The following POLDIP3 variants were observed in gnomAD, a reference collection of about 807,000 sequenced individuals.
The protein encoded by POLDIP3 is polymerase delta-interacting protein 3.
In POLDIP3, 14 loss-of-function variants were observed where a neutral mutation model predicts 45.1. That is an observed-to-expected ratio of 0.31 (90% CI 0.20 to 0.49). The LOEUF (loss-of-function observed/expected upper bound fraction) is 0.49. POLDIP3 is among the 20% of genes least tolerant of loss of function. The probability of loss-of-function intolerance (pLI) is 0.99; values close to 1 mark genes in which losing one functional copy is unlikely to be tolerated. For missense variants in POLDIP3, 511 were observed against 538.8 expected (o/e 0.95, Z 0.51); for synonymous variants, 223 against 205.2 (o/e 1.09, Z -0.74).
chr22:42,586,754 C>T (rs1320228716), intron 8 of POLDIP3, among the ~76,000 whole-genome samples: 4 of 152,184 alleles, frequency 2.6e-5, no homozygotes, highest in Non-Finnish European at 1.5e-5. Flanking sequence ...TATTTCAGCC[C>T]TGCCCCACAC....
rs547763693 is a variant in POLDIP3, at chr22:42,588,484, A to G, written c.1022-912T>C. Reference sequence around the variant, plus strand: ...AAAAAAAAAAAAAAAAGTAAAATGGAAGAAATAAACCTAATTATCAATATT... The same window carrying G: ...AAAAAAAAAAAAAAAAGTAAAATGGGAGAAATAAACCTAATTATCAATATT... On this transcript the variant is annotated intron_variant, in intron 7 of 8. Transcript: ENST00000252115. Among the ~76,000 whole-genome samples the G allele has an allele frequency of 4.6e-5, 7 of 151,566 alleles. No individual in the cohort carries two copies. The South Asian group carries it at 1.5e-3, about 32-fold the overall frequency.
intron 7 of POLDIP3, 86 bp downstream of exon 7, chr22:42,591,867 TCA>T (rs1925685900): frequency 2.6e-6 from 4 of 1,560,538 alleles, no homozygotes; most frequent in Non-Finnish European, 1.8e-6. Flanking sequence ...TCCACCCATC[TCA>T]CAGAGACTTC....
chr22:42,602,295 G>A (rs180779642), intron 2 of POLDIP3, among the ~76,000 whole-genome samples: 6 of 152,198 alleles, frequency 3.9e-5, no homozygotes, highest in African/African-American at 1.2e-4. Flanking sequence ...TGCTGTGGCC[G>A]CTGCTGTTCC....
chr22:42,587,669 C>A (rs113181776), intron 7 of POLDIP3, 97 bp from the exon 8 acceptor site: 30,495 of 1,169,088 alleles, frequency 0.026, 554 homozygotes, highest in Middle Eastern at 0.044. Context: ...GGTCAAAGCA[C>A]CCACCACTGG....
At chr22:42,612,073 A>T (rs1186026337) in intron 1 of POLDIP3, among the ~76,000 whole-genome samples, 1 of 152,160 alleles carries the variant, frequency 6.6e-6, no homozygotes, top group Non-Finnish European at 1.5e-5. Flanking sequence ...AGGTTCTTCC[A>T]TGCTAGTCTC....
At chr22:42,596,617 G>A (rs1264057666) in intron 4 of POLDIP3, among the ~76,000 whole-genome samples, 1 of 152,266 alleles carries the variant, frequency 6.6e-6, no homozygotes, top group Non-Finnish European at 1.5e-5. Context: ...AGAAGCTCTT[G>A]GCAGGAAGCT....
chr22:42,590,167 G>A (rs1160866835), intron 7 of POLDIP3, among the ~76,000 whole-genome samples: 1 of 152,302 alleles, frequency 6.6e-6, no homozygotes, highest in East Asian at 1.9e-4. Flanking sequence ...TGCAGTTACA[G>A]CCATGCTTAG....
At chr22:42,610,774 C>T (rs1165192242) in intron 1 of POLDIP3, among the ~76,000 whole-genome samples, 2 of 152,160 alleles carry the variant, frequency 1.3e-5, no homozygotes, top group African/African-American at 4.8e-5. Context: ...GGCATGATGG[C>T]ATATGCCTGT....
chr22:42,611,298 G>A (rs904885799), intron 1 of POLDIP3, among the ~76,000 whole-genome samples: 2 of 152,198 alleles, frequency 1.3e-5, no homozygotes, highest in African/African-American at 2.4e-5. Flanking sequence ...GCAGTTACAG[G>A]CATGAGCAAC....
At chr22:42,613,246 G>A (rs1927237630) in intron 1 of POLDIP3, among the ~76,000 whole-genome samples, 1 of 152,234 alleles carries the variant, frequency 6.6e-6, no homozygotes, top group African/African-American at 2.4e-5. Context: ...TCAGTCACTA[G>A]ATGGAGATCT....
intron 1 of POLDIP3, among the ~76,000 whole-genome samples, chr22:42,611,972 G>A (rs536866081): frequency 6.6e-6 from 1 of 152,318 alleles, no homozygotes; most frequent in Non-Finnish European, 1.5e-5. Context: ...TCTTAACAGG[G>A]ACCACTGGAT....
At chr22:42,591,901 A>G in intron 7 of POLDIP3, 54 bp downstream of exon 7, 1 of 1,609,220 alleles carries the variant, frequency 6.2e-7, no homozygotes, top group East Asian at 2.2e-5. Flanking sequence ...CTGCTACCTG[A>G]CAGCAAGTAG....
At position 42,585,184 on chromosome 22, in the gene POLDIP3, G is replaced by A. The variant is rs559907092; in HGVS notation, c.*607C>T. The A allele has an allele frequency of 2.8e-5, 14 of 494,454 alleles. No individual in the cohort carries two copies. Among genetic ancestry groups the A allele is most frequent in the South Asian group, 1.9e-4 (13 of 67,400 alleles). The allele number at this position is 494,454 out of a possible 1,614,324, so 30.6% of individuals were successfully genotyped here. ...GAGCTTAGATAGACTCTTCCCAGCGGTGCAGCCTCATCCTGCCCTTGCCAC... is the reference window on the plus strand; with the variant it reads ...GAGCTTAGATAGACTCTTCCCAGCGATGCAGCCTCATCCTGCCCTTGCCAC... On this transcript the variant is annotated 3_prime_UTR_variant, in exon 9 of 9. Transcript: ENST00000252115.
chr22:42,609,576 C>A (rs1316724048), intron 1 of POLDIP3, among the ~76,000 whole-genome samples: 1 of 152,032 alleles, frequency 6.6e-6, no homozygotes, highest in East Asian at 1.9e-4. Context: ...AAGATTCAGG[C>A]CCATGAAGTG....
chr22:42,604,865 A>T (rs1926620930), intron 1 of POLDIP3, among the ~76,000 whole-genome samples: 1 of 152,338 alleles, frequency 6.6e-6, no homozygotes, highest in East Asian at 1.9e-4. Flanking sequence ...TTGAAGCCTA[A>T]TCTGCAATGT....
At chr22:42,611,869 T>G (rs897934380) in intron 1 of POLDIP3, among the ~76,000 whole-genome samples, 1 of 152,018 alleles carries the variant, frequency 6.6e-6, no homozygotes, top group African/African-American at 2.4e-5. Context: ...AGAGTGAGAC[T>G]CCATCTCAAA....
At chr22:42,614,174 C>T (rs1339098026) in intron 1 of POLDIP3, among the ~76,000 whole-genome samples, 1 of 152,188 alleles carries the variant, frequency 6.6e-6, no homozygotes, top group Non-Finnish European at 1.5e-5. Context: ...TCTACCACTT[C>T]CAGCCTCAAG....
At chr22:42,611,066 C>CT (rs1232790679) in intron 1 of POLDIP3, among the ~76,000 whole-genome samples, 1 of 152,206 alleles carries the variant, frequency 6.6e-6, no homozygotes, top group Non-Finnish European at 1.5e-5. Flanking sequence ...GAAGGTATCA[C>CT]TCAAAACCAC....
At chr22:42,586,340 GT>G (rs137089) in intron 8 of POLDIP3, among the ~76,000 whole-genome samples, 2 of 151,660 alleles carry the variant, frequency 1.3e-5, no homozygotes, top group African/African-American at 2.4e-5. Flanking sequence ...GTTTTGTGGG[GT>G]TTTTTTGAGA....
Sources: gnomAD v4.1 joint callset for allele counts (sites outside exome capture counted in the v4.1 genomes callset) on GRCh38, gnomAD v4.1.1 for gene constraint, MANE v1.5 for transcripts, NCBI Gene and HGNC (gene_info 2026-07-23, HGNC 2026-07-21) for gene names.